GLDN: variants seen among roughly 807,000 people sequenced by gnomAD.
GLDN encodes the protein gliomedin, also known as collomin.
In GLDN, 47 loss-of-function variants were observed where a neutral mutation model predicts 56.5. The observed-to-expected ratio is 0.83, with a 90% CI of 0.66 to 1.06. The LOEUF is 1.06. Ranked by LOEUF, GLDN falls within the 50% of genes least tolerant of loss-of-function variation. GLDN has a pLI of 0.00. For missense variants in GLDN, 782 were observed against 714.3 expected (o/e 1.09, Z -1.08); for synonymous variants, 332 against 278.8 (o/e 1.19, Z -1.90).
chr15:51,354,662 C>A lies in GLDN; in HGVS notation c.363+12615C>A, dbSNP rs553373114. Reference sequence around the variant, plus strand: ...CAGGAAGAACAAGAAGCCAGACAGGCCTTCCTGTACTGGAGAGTTTGGAGT... The same window carrying A: ...CAGGAAGAACAAGAAGCCAGACAGGACTTCCTGTACTGGAGAGTTTGGAGT... On this transcript the variant is annotated intron_variant, in intron 1 of 9. Transcript: ENST00000335449. 2.6e-5 allele frequency among the ~76,000 whole-genome samples: 4 copies of A among 152,252 alleles called. No individual in the cohort carries two copies. The East Asian group carries it at 5.8e-4, about 22-fold the overall frequency.
intron 1 of GLDN, among the ~76,000 whole-genome samples, chr15:51,362,498 A>G (rs1317842971): frequency 2.0e-5 from 3 of 151,472 alleles, no homozygotes; most frequent in Admixed American, 6.6e-5. Flanking sequence ...AAAAAAAAAA[A>G]AAAAAAAGAA....
At chr15:51,386,675 G>A (rs1027039973) in intron 4 of GLDN, among the ~76,000 whole-genome samples, 5 of 152,340 alleles carry the variant, frequency 3.3e-5, no homozygotes, top group South Asian at 2.1e-4. Context: ...GCAGGGAGAC[G>A]GCCTCCGTAG....
At chr15:51,401,475 G>A (rs2141133453) in intron 8 of GLDN, 118 bp from the exon 9 acceptor site, 1 of 847,426 alleles carries the variant, frequency 1.2e-6, no homozygotes, top group Non-Finnish European at 1.9e-6. Context: ...CTGGACAAGG[G>A]ACCTTAGGGA....
chr15:51,354,306 G>GT (rs141435769), intron 1 of GLDN, among the ~76,000 whole-genome samples: 1 of 151,940 alleles, frequency 6.6e-6, no homozygotes, highest in Non-Finnish European at 1.5e-5. Flanking sequence ...TAATTCCCTG[G>GT]TTTTTTTTGT....
rs1447687281 is a variant in GLDN, at chr15:51,355,643, C to T, written c.363+13596C>T. Among the ~76,000 whole-genome samples the T allele has an allele frequency of 2.0e-5, 3 of 150,974 alleles. No homozygotes were observed. In the East Asian group the frequency reaches 6.0e-4, roughly 30 times the overall value. On this transcript the variant is annotated intron_variant, in intron 1 of 9. Coordinates refer to ENST00000335449, the MANE Select transcript of GLDN (RefSeq NM_181789.4). Reference sequence around the variant, plus strand: ...GGTTCAAGCGATTCTCCTGCCTCAGCCTCCTGAGTAGCTGGGACCACAGGC... The same window carrying T: ...GGTTCAAGCGATTCTCCTGCCTCAGTCTCCTGAGTAGCTGGGACCACAGGC...
chr15:51,397,237 G>A (rs2038148672), intron 5 of GLDN, among the ~76,000 whole-genome samples: 1 of 152,116 alleles, frequency 6.6e-6, no homozygotes, highest in South Asian at 2.1e-4. Context: ...GAAAAGGTCT[G>A]GCTGTGAGGA....
chr15:51,413,140 C>T, the GLDN span, among the ~76,000 whole-genome samples: 16 of 151,948 alleles, frequency 1.1e-4, no homozygotes, highest in African/African-American at 3.9e-4. Flanking sequence ...CACTTTATTT[C>T]CTTTCTTGGA....
At chr15:51,346,353 G>T (rs182238177) in intron 1 of GLDN, among the ~76,000 whole-genome samples, 5 of 152,198 alleles carry the variant, frequency 3.3e-5, no homozygotes, top group African/African-American at 1.2e-4. Context: ...ATGGGACAGA[G>T]TGGAAAGTTC....
Position 51,394,990 on chromosome 15 carries a change from G to A in GLDN, c.688+9G>A, listed in dbSNP as rs2038096696. 1.3e-6 allele frequency: 2 copies of A among 1,573,974 alleles called. No homozygotes were observed. On this transcript the variant is annotated intron_variant, in intron 5 of 9. Coordinates refer to ENST00000335449, the MANE Select transcript of GLDN (RefSeq NM_181789.4). ...CGACGTGCTCCTGGCAGGTAAGAGG[G>A]GTACGCTGTGGCTCTCTTTGAGGGC...
downstream of GLDN, among the ~76,000 whole-genome samples, chr15:51,411,266 G>A (rs1416760257): frequency 6.6e-6 from 1 of 152,192 alleles, no homozygotes; most frequent in Non-Finnish European, 1.5e-5. Context: ...TGCAGAAGGG[G>A]AGAAAAATCT....
intron 2 of GLDN, among the ~76,000 whole-genome samples, chr15:51,380,191 T>C (rs554756650): frequency 6.6e-6 from 1 of 152,292 alleles, no homozygotes; most frequent in African/African-American, 2.4e-5. Context: ...TATTGACCCA[T>C]TGGACTTCAC....
intron 7 of GLDN, 32 bp downstream of exon 7, chr15:51,400,307 C>A: frequency 6.2e-7 from 1 of 1,614,026 alleles, no homozygotes; most frequent in South Asian, 1.1e-5. Flanking sequence ...TCTTGAAATT[C>A]AGAAATTGAA....
At chr15:51,342,701 G>C (rs2445765) in intron 1 of GLDN, among the ~76,000 whole-genome samples, 30,994 of 152,070 alleles carry the variant, frequency 0.2, 3,243 homozygotes, top group South Asian at 0.29. Context: ...TTAAAATGCA[G>C]TGTCAAAGCT....
chr15:51,350,357 G>T (rs1033122574), intron 1 of GLDN, among the ~76,000 whole-genome samples: 2 of 152,176 alleles, frequency 1.3e-5, no homozygotes, highest in African/African-American at 4.8e-5. Context: ...TGAGGGGTTG[G>T]GGGAGCTGAT....
At chr15:51,386,593 T>C (rs1172276999) in intron 4 of GLDN, among the ~76,000 whole-genome samples, 6 of 152,222 alleles carry the variant, frequency 3.9e-5, no homozygotes, top group African/African-American at 1.4e-4. Context: ...TCAGATCTGC[T>C]TCTCTAAATG....
chr15:51,383,858 A>T lies in GLDN; in HGVS notation c.507A>T (p.Gly169=), dbSNP rs1372557751. ...DGQPGPQGPK[G]EKGANGKRGK... is the part of the protein sequence containing the mutation. ...AGCCTGGTCCTCAGGGCCCAAAAGG[A>T]GAAAAAGGAGCAAATGGAAAAAGAG... is the stretch of plus-strand genomic sequence containing the variant. The change falls in exon 4 of 10, where the codon GGA becomes GGT. Residue 169 remains glycine (G), a synonymous_variant. Transcript: ENST00000335449. 6.2e-7 allele frequency: 1 copy of T among 1,612,526 alleles called. No individual in the cohort carries two copies. Among genetic ancestry groups the T allele is most frequent in the East Asian group, 2.2e-5 (1 of 44,864 alleles).
chr15:51,383,230 A>G (rs2141100050), intron 2 of GLDN, among the ~76,000 whole-genome samples: 2 of 152,360 alleles, frequency 1.3e-5, no homozygotes, highest in Admixed American at 1.3e-4. Flanking sequence ...GGTTCATTGA[A>G]ACAAGCAAAA....
intron 2 of GLDN, among the ~76,000 whole-genome samples, chr15:51,380,838 T>C (rs2037742663): frequency 6.6e-6 from 1 of 152,200 alleles, no homozygotes; most frequent in Admixed American, 6.5e-5. Flanking sequence ...GCTCTGGACC[T>C]TTTTAGGATC....
intron 9 of GLDN, among the ~76,000 whole-genome samples, chr15:51,403,054 C>A (rs73397542): frequency 1.3e-5 from 2 of 152,184 alleles, no homozygotes; most frequent in African/African-American, 4.8e-5. Context: ...GGCAGTTCTG[C>A]GGTGGATAAC....
Sources: allele counts gnomAD v4.1 joint callset (sites outside exome capture counted in the v4.1 genomes callset), GRCh38; gene constraint gnomAD v4.1.1; transcripts MANE v1.5; gene names NCBI Gene and HGNC (gene_info 2026-07-23, HGNC 2026-07-21).